Variants in RYR3 observed in about 807,000 individuals in gnomAD.
RYR3 encodes brain ryanodine receptor-calcium release channel.
A neutral mutation model predicts 584.3 loss-of-function variants in RYR3; 207 were observed. The observed-to-expected ratio is 0.35, with a 90% CI of 0.32 to 0.40. The LOEUF (loss-of-function observed/expected upper bound fraction) is 0.40. Ranked by LOEUF, RYR3 falls within the 10% of genes least tolerant of loss-of-function variation. The pLI is 1.00. For synonymous variants in RYR3, 2,416 were observed against 2,248.5 expected (o/e 1.07, Z -2.11); for missense variants, 5,616 against 6,089.2 (o/e 0.92, Z 2.59).
intron 23 of RYR3, among the ~76,000 whole-genome samples, chr15:33,632,073 C>G (rs2061296209): frequency 6.6e-6 from 1 of 152,260 alleles, no homozygotes; most frequent in East Asian, 1.9e-4. Flanking sequence ...CATCCTGACT[C>G]TGCCCAAGGG....
chr15:33,561,952 GT>G (rs1194610182), intron 10 of RYR3, among the ~76,000 whole-genome samples: 1 of 151,948 alleles, frequency 6.6e-6, no homozygotes, highest in Non-Finnish European at 1.5e-5. Flanking sequence ...GGCAACAGCC[GT>G]TTTTTATTCT....
chr15:33,761,799 C>G (rs940510739), intron 60 of RYR3, among the ~76,000 whole-genome samples: 2 of 152,096 alleles, frequency 1.3e-5, no homozygotes, highest in Non-Finnish European at 2.9e-5. Flanking sequence ...GAGACACATA[C>G]ACACACAAAA....
At chr15:33,535,989 T>C (rs1230138263) in intron 5 of RYR3, among the ~76,000 whole-genome samples, 1 of 152,132 alleles carries the variant, frequency 6.6e-6, no homozygotes, top group Non-Finnish European at 1.5e-5. Context: ...CCCAAACTCA[T>C]GTGATATTCT....
At chr15:33,756,419 C>T in intron 59 of RYR3, 46 bp downstream of exon 59, 1 of 1,379,848 alleles carries the variant, frequency 7.2e-7, no homozygotes, top group Non-Finnish European at 1.0e-6. Flanking sequence ...CTTAGGATCT[C>T]TACTATTTAG....
Position 33,637,370 on chromosome 15 carries a change from G to T in RYR3, c.3556+820G>T, listed in dbSNP as rs2061551898. 3.9e-5 allele frequency among the ~76,000 whole-genome samples: 6 copies of T among 152,270 alleles called. No homozygotes were observed. In the South Asian group the frequency reaches 1.2e-3, roughly 32 times the overall value. ...TTCTTCCCAGATATAAAATTCAACG[G>T]CAGTGACTTAACACCTGCTGTGTGA... On this transcript the variant is annotated intron_variant, in intron 27 of 103. Coordinates refer to ENST00000634891, the MANE Select transcript of RYR3 (RefSeq NM_001036.6).
intron 2 of RYR3, among the ~76,000 whole-genome samples, chr15:33,475,803 TG>T (rs1329725029): frequency 6.6e-6 from 1 of 152,238 alleles, no homozygotes; most frequent in Non-Finnish European, 1.5e-5. Flanking sequence ...CAGGATCAAA[TG>T]GGTTCGTAAA....
At position 33,748,219 on chromosome 15, in the gene RYR3, C is replaced by A. The variant is rs368235252; in HGVS notation, c.8095C>A (p.Arg2699=). ...AGAGGGAGAAGCTTTGGTTCAACAG[C>A]GGGAAAATGAGAAGCTTCGAAGTGT... is the stretch of plus-strand genomic sequence containing the variant. ...TKEGEALVQQ[R]ENEKLRSVSQ... Residue 2699 remains arginine (R), a synonymous_variant, in exon 54 of 104, where the codon CGG becomes AGG. Coordinates refer to ENST00000634891, the MANE Select transcript of RYR3 (RefSeq NM_001036.6). 1.2e-6 allele frequency: 2 copies of A among 1,613,856 alleles called. No individual in the cohort carries two copies. The highest frequency in any genetic ancestry group is 1.7e-6 in the Non-Finnish European group (2 of 1,179,858).
chr15:33,753,670 A>G (rs911289026), intron 57 of RYR3, among the ~76,000 whole-genome samples: 3 of 152,226 alleles, frequency 2.0e-5, no homozygotes, highest in Non-Finnish European at 4.4e-5. Flanking sequence ...AATCTGTACA[A>G]ACATTTCTAT....
intron 16 of RYR3, among the ~76,000 whole-genome samples, chr15:33,590,522 C>T (rs1595736591): frequency 6.6e-6 from 1 of 152,074 alleles, no homozygotes; most frequent in Admixed American, 6.5e-5. Flanking sequence ...ATTCATTCTT[C>T]TTCTGATCCA....
chr15:33,577,762 A>G (rs1567578932), intron 12 of RYR3, among the ~76,000 whole-genome samples: 1 of 152,226 alleles, frequency 6.6e-6, no homozygotes, highest in Non-Finnish European at 1.5e-5. Flanking sequence ...GCAAAAATTG[A>G]CAAATGGGAT....
intron 101 of RYR3, 149 bp from the exon 102 acceptor site, chr15:33,860,929 A>C (rs1218327611): frequency 1.7e-6 from 1 of 575,224 alleles, no homozygotes; most frequent in African/African-American, 2.6e-5. Context: ...ACTAATAGCC[A>C]ATGTATGGCA....
chr15:33,823,603 A>T (rs1221293212), intron 81 of RYR3, among the ~76,000 whole-genome samples: 1 of 152,222 alleles, frequency 6.6e-6, no homozygotes, highest in African/African-American at 2.4e-5. Context: ...ACATTTTGAC[A>T]TAGCCTAAAA....
At chr15:33,504,393 A>G (rs181002389) in intron 3 of RYR3, among the ~76,000 whole-genome samples, 3 of 152,240 alleles carry the variant, frequency 2.0e-5, no homozygotes, top group East Asian at 3.9e-4. Flanking sequence ...ATTTTTATAT[A>G]TTTGTCATCA....
chr15:33,569,490 C>T (rs566003868), intron 12 of RYR3, among the ~76,000 whole-genome samples: 36 of 152,242 alleles, frequency 2.4e-4, no homozygotes, highest in African/African-American at 8.7e-4. Flanking sequence ...AGTGGAAGCA[C>T]ACAATATTTG....
chr15:33,711,241 T>C (rs2067094684), intron 43 of RYR3, among the ~76,000 whole-genome samples: 2 of 133,736 alleles, frequency 1.5e-5, no homozygotes, highest in Admixed American at 7.4e-5. Flanking sequence ...TTTCATTTTT[T>C]TTTTTTTTTT....
intron 14 of RYR3, among the ~76,000 whole-genome samples, chr15:33,582,901 A>G (rs2058665597): frequency 6.6e-6 from 1 of 152,206 alleles, no homozygotes; most frequent in Non-Finnish European, 1.5e-5. Context: ...CAAACCTATC[A>G]TGTGAAGGGC....
chr15:33,839,022 G>T (rs2078209528), intron 89 of RYR3, 64 bp downstream of exon 89: 12 of 1,546,712 alleles, frequency 7.8e-6, no homozygotes, highest in Middle Eastern at 2.1e-4. Flanking sequence ...ACCATATCTT[G>T]TAATCAGTAC....
chr15:33,670,091 C>T (rs1269226464), intron 37 of RYR3, among the ~76,000 whole-genome samples: 2 of 152,108 alleles, frequency 1.3e-5, no homozygotes, highest in South Asian at 2.1e-4. Context: ...TCTAGGGCCA[C>T]GTCCCCCAAA....
chr15:33,634,963 C>T (rs1332164663), intron 25 of RYR3, among the ~76,000 whole-genome samples: 1 of 152,164 alleles, frequency 6.6e-6, no homozygotes, highest in Non-Finnish European at 1.5e-5. Context: ...ATGACTTATT[C>T]CCACAACGAA....
Sources: gnomAD v4.1 joint callset for allele counts (sites outside exome capture counted in the v4.1 genomes callset) on GRCh38, gnomAD v4.1.1 for gene constraint, MANE v1.5 for transcripts, NCBI Gene and HGNC (gene_info 2026-07-23, HGNC 2026-07-21) for gene names.